Variants in RICTOR observed in about 807,000 individuals in gnomAD.
RICTOR encodes the protein RPTOR independent companion of MTOR complex 2, also known as rapamycin-insensitive companion of mTOR.
Under a neutral mutation model 214.9 loss-of-function variants are expected in RICTOR, and 49 were observed. The ratio of observed to expected loss-of-function variants is 0.23; its 90% CI spans 0.18 to 0.29. The LOEUF is 0.29. Among genes scored for constraint, RICTOR ranks in the 10% least tolerant of loss-of-function variants. The probability of loss-of-function intolerance (pLI) is 1.00; values close to 1 mark genes in which losing one functional copy is unlikely to be tolerated. For synonymous variants in RICTOR, 717 were observed against 711.3 expected (o/e 1.01, Z -0.13); for missense variants, 1,625 against 2,047.0 (o/e 0.79, Z 3.98).
chr5:39,007,181 C>G (rs1364983210), intron 3 of RICTOR, among the ~76,000 whole-genome samples: 2 of 152,132 alleles, frequency 1.3e-5, no homozygotes, highest in African/African-American at 4.8e-5. Flanking sequence ...GCTACTATAA[C>G]ATATGTCACA....
intron 2 of RICTOR, among the ~76,000 whole-genome samples, chr5:39,045,363 TAC>T (rs1238473858): frequency 6.6e-6 from 1 of 152,078 alleles, no homozygotes; most frequent in Non-Finnish European, 1.5e-5. Context: ...GACTGAAAAA[TAC>T]AGTCTGCAAC....
At chr5:38,974,469 G>A (rs1454791172) in intron 10 of RICTOR, among the ~76,000 whole-genome samples, 1 of 152,170 alleles carries the variant, frequency 6.6e-6, no homozygotes. Context: ...CTGGACGTAG[G>A]AAGAATAAGG....
chr5:38,950,922 A>T (rs927531773), intron 30 of RICTOR, among the ~76,000 whole-genome samples: 1 of 151,932 alleles, frequency 6.6e-6, no homozygotes, highest in Non-Finnish European at 1.5e-5. Flanking sequence ...AAAATTATGT[A>T]ATTTATGAGA....
At position 38,940,300 on chromosome 5, in the gene RICTOR, CCA is replaced by C. The variant is rs1004282135; in HGVS notation, c.*2002_*2003del. ...TACTGTTAACTTTTGAGGGATTAAA[CCA>C]CAGATTTTTATACTCTATATTAACT... On this transcript the variant is annotated 3_prime_UTR_variant, in exon 38 of 38. Coordinates refer to ENST00000357387, the MANE Select transcript of RICTOR (RefSeq NM_152756.5). 15 of 230,554 alleles carry C rather than the reference CCA, an allele frequency of 6.5e-5. No individual in the cohort carries two copies. The highest frequency in any genetic ancestry group is 8.9e-5 in the African/African-American group (4 of 44,984). The allele number at this position is 230,554 out of a possible 1,614,324, so 14.3% of individuals were successfully genotyped here.
chr5:38,954,888 T>C (rs1331922979), intron 26 of RICTOR, 27 bp from the exon 27 acceptor site: 2 of 1,204,920 alleles, frequency 1.7e-6, no homozygotes, highest in African/African-American at 1.5e-5. Flanking sequence ...GATTACTATA[T>C]CTCTTGGCTA....
Position 38,950,485 on chromosome 5 carries a change from T to C in RICTOR, c.3363A>G (p.Ser1121=). ...SSSDPKGGKL[S]SESKTSNRRI... ...GCCTGTTGCTTGTCTTACTTTCAGATGATAATTTCCCTCCTTTTGGATCAC... is the reference window on the plus strand; with the variant it reads ...GCCTGTTGCTTGTCTTACTTTCAGACGATAATTTCCCTCCTTTTGGATCAC... Residue 1121 remains serine, a synonymous_variant, in exon 31 of 38, where the codon TCA becomes TCG. Transcript: ENST00000357387. 2 of 1,613,548 alleles carry C rather than the reference T, an allele frequency of 1.2e-6. No homozygotes were observed. The highest frequency in any genetic ancestry group is 1.7e-6 in the Non-Finnish European group (2 of 1,179,666).
chr5:39,041,544 A>C (rs1258918295), intron 2 of RICTOR, among the ~76,000 whole-genome samples: 1 of 152,176 alleles, frequency 6.6e-6, no homozygotes, highest in Non-Finnish European at 1.5e-5. Context: ...TTTAAGTAGA[A>C]GTTAAAAAAA....
rs749339879 is a variant in RICTOR, at chr5:38,942,330, T to C, written c.5101A>G (p.Ile1701Val). 1.2e-5 allele frequency: 19 copies of C among 1,598,558 alleles called. No homozygotes were observed. The highest frequency in any genetic ancestry group is 1.7e-4 in the Middle Eastern group (1 of 6,004). The change falls in exon 38 of 38, where the codon ATA becomes GTA. Residue 1701 changes from isoleucine (I) to valine (V), a missense_variant. Physicochemically the swap from Ile to Val is conservative, Grantham distance 29 (BLOSUM62 3). Transcript: ENST00000357387. Reference sequence around the variant, plus strand: ...CAGGATTCAGCAGATGTATCAACTATAGGTTGCTTTGGTGGTGTTGCCAAC... The same window carrying C: ...CAGGATTCAGCAGATGTATCAACTACAGGTTGCTTTGGTGGTGTTGCCAAC... ...AVLATPPKQP[I>V]VDTSAES
Position 38,990,988 on chromosome 5 carries a change from T to C in RICTOR, c.544A>G (p.Arg182Gly). The change falls in exon 7 of 38, where the codon AGA becomes GGA. Residue 182 changes from arginine to glycine, a missense_variant. By Grantham distance (125) the Arg-to-Gly change is moderately radical. This residue lies in a region of RICTOR where 258 missense variants were observed against 393.7 expected (regional missense o/e 0.66). Coordinates refer to ENST00000357387, the MANE Select transcript of RICTOR (RefSeq NM_152756.5). ...ATGGCAATGCATGCTCGGACCATTC[T>C]GTCTCTTTCTTGAAGTCCATCATTT... ...VGNDGLQERD[R>G]MVRACIAIIC... 3 of 1,608,662 alleles carry C rather than the reference T, an allele frequency of 1.9e-6. No individual in the cohort carries two copies. The highest frequency in any genetic ancestry group is 2.5e-6 in the Non-Finnish European group (3 of 1,176,690).
At position 39,028,175 on chromosome 5, in the gene RICTOR, CTTTTTTTTTTTT is replaced by C. The variant is rs70982535; in HGVS notation, c.98-7051_98-7040del. ...GAGAGGCCATGGAGCAACTGGAATTCTTTTTTTTTTTTTTTTTTTTTTTTTGAGACGGAGTCT... is the reference window on the plus strand; with the variant it reads ...GAGAGGCCATGGAGCAACTGGAATTCTTTTTTTTTTTTTGAGACGGAGTCT... On this transcript the variant is annotated intron_variant, in intron 2 of 37. Coordinates refer to ENST00000357387, the MANE Select transcript of RICTOR (RefSeq NM_152756.5). Among the ~76,000 whole-genome samples the C allele has an allele frequency of 9.3e-4, 73 of 78,440 alleles. 1 individual carries two copies. The highest frequency in any genetic ancestry group is 3.1e-3 in the South Asian group (6 of 1,934). 51.5% of individuals were successfully genotyped at this position (78,440 alleles called of 152,430 possible).
chr5:38,994,115 G>A lies in RICTOR; in HGVS notation c.456+2704C>T, dbSNP rs554965574. On this transcript the variant is annotated intron_variant, in intron 6 of 37. Coordinates refer to ENST00000357387, the MANE Select transcript of RICTOR (RefSeq NM_152756.5). ...TGAGGCAGGAGAATGGCTTGAACCC[G>A]GGAGGTGGAGCTTGCAGTGAGCCGA... is the stretch of plus-strand genomic sequence containing the variant. Among the ~76,000 whole-genome samples, 15 of 152,056 alleles carry A rather than the reference G, an allele frequency of 9.9e-5. No individual in the cohort carries two copies. In the South Asian group the frequency reaches 2.9e-3, roughly 29 times the overall value.
chr5:38,941,343 T>A lies in RICTOR; in HGVS notation c.*961A>T, dbSNP rs1747552927. The A allele has an allele frequency of 4.3e-6, 1 of 231,784 alleles. No individual in the cohort carries two copies. The highest frequency in any genetic ancestry group is 8.5e-6 in the Non-Finnish European group (1 of 116,992). 14.4% of individuals were successfully genotyped at this position (231,784 alleles called of 1,614,324 possible). On this transcript the variant is annotated 3_prime_UTR_variant, in exon 38 of 38. Transcript: ENST00000357387. ...TATTAATGTTTTTTTTAAGGAAATATGGCTCTTCTTTCCCCATGGAATGTG... is the reference window on the plus strand; with the variant it reads ...TATTAATGTTTTTTTTAAGGAAATAAGGCTCTTCTTTCCCCATGGAATGTG...
At chr5:38,945,916 T>C (rs527496176) in intron 33 of RICTOR, among the ~76,000 whole-genome samples, 192 bp from the exon 34 acceptor site, 25 of 152,284 alleles carry the variant, frequency 1.6e-4, no homozygotes, top group East Asian at 3.9e-4. Flanking sequence ...TTTTAATATA[T>C]AGTGTTTTAA....
chr5:38,959,195 A>G lies in RICTOR; in HGVS notation c.2178T>C (p.Asp726=), dbSNP rs1749574537. The G allele has an allele frequency of 6.3e-7, 1 of 1,589,424 alleles. No individual in the cohort carries two copies. The highest frequency in any genetic ancestry group is 8.6e-7 in the Non-Finnish European group (1 of 1,168,316). ...GTTTTACTGGCTATGTTATACTCAC[A>G]TCAGTAGCTGCAGTTAAAATTTTGG... The part of the protein sequence containing the change: ...ILSKILTAAT[D]ACRLYATKHL... The change falls in exon 22 of 38, where the codon GAT becomes GAC. Residue 726 remains aspartate (D), a splice_region_variant and synonymous_variant. Transcript: ENST00000357387.
chr5:38,960,488 T>C lies in RICTOR; in HGVS notation c.1761A>G (p.Leu587=), dbSNP rs940613747. 4 of 1,613,840 alleles carry C rather than the reference T, an allele frequency of 2.5e-6. No homozygotes were observed. Among genetic ancestry groups the C allele is most frequent in the East Asian group, 4.5e-5 (2 of 44,864 alleles). Residue 587 remains leucine (L), a synonymous_variant, in exon 20 of 38, where the codon TTA becomes TTG. Transcript: ENST00000357387. The part of the protein sequence containing the change: ...LLYFYKPSSK[L]YANLDLDFAK... ...CAAAATCCAGATCCAGGTTGGCATA[T>C]AATTTACTGCTGGGCTTGTAAAAAT...
At chr5:38,947,498 T>C (rs1430411890) in intron 31 of RICTOR, 57 bp from the exon 32 acceptor site, 3 of 1,240,814 alleles carry the variant, frequency 2.4e-6, no homozygotes, top group East Asian at 2.4e-5. Context: ...ATTTTAATCA[T>C]ATGAAGAAAT....
intron 7 of RICTOR, among the ~76,000 whole-genome samples, chr5:38,986,632 CA>C (rs1364239026): frequency 6.6e-6 from 1 of 152,124 alleles, no homozygotes; most frequent in Middle Eastern, 3.2e-3. Flanking sequence ...TTAAAGGCCT[CA>C]AAAATGTTAT....
intron 7 of RICTOR, among the ~76,000 whole-genome samples, chr5:38,990,525 C>T (rs201521797): frequency 6.9e-6 from 1 of 145,782 alleles, no homozygotes; most frequent in African/African-American, 2.6e-5. Flanking sequence ...GATATATATA[C>T]GATATATATA....
At chr5:39,043,773 G>A (rs987597934) in intron 2 of RICTOR, among the ~76,000 whole-genome samples, 3 of 152,102 alleles carry the variant, frequency 2.0e-5, no homozygotes, top group Admixed American at 6.6e-5. Flanking sequence ...CCTCATGAAT[G>A]AGTTATCACA....
Sources: allele counts gnomAD v4.1 joint callset (sites outside exome capture counted in the v4.1 genomes callset), GRCh38; gene constraint gnomAD v4.1.1; regional missense constraint gnomAD v4.1.1; transcripts MANE v1.5; gene names NCBI Gene and HGNC (gene_info 2026-07-23, HGNC 2026-07-21).